The following TGFA variants were observed in gnomAD, a reference collection of about 807,000 sequenced individuals.
TGFA encodes the protein protransforming growth factor alpha.
TGFA carries 12 observed loss-of-function variants against 21.7 expected under a neutral mutation model. That is an observed-to-expected ratio of 0.55 (90% CI 0.35 to 0.90). The LOEUF (loss-of-function observed/expected upper bound fraction) is 0.90, where lower values mean the gene tolerates loss of function less well. Ranked by LOEUF, TGFA falls within the 40% of genes least tolerant of loss-of-function variation. The probability of loss-of-function intolerance (pLI) is 0.01; values close to 1 mark genes in which losing one functional copy is unlikely to be tolerated. For synonymous variants in TGFA, 79 were observed against 88.1 expected (o/e 0.90, Z 0.58); for missense variants, 178 against 210.8 (o/e 0.84, Z 0.96).
At chr2:70,486,747 C>A (rs1390316566) in intron 2 of TGFA, among the ~76,000 whole-genome samples, 1 of 151,938 alleles carries the variant, frequency 6.6e-6, no homozygotes, top group Non-Finnish European at 1.5e-5. Context: ...TAGGCGTGAG[C>A]TACCATGCCT....
At position 70,449,401 on chromosome 2, in the gene TGFA, A is replaced by G. The variant is rs1379996507; in HGVS notation, c.*1458T>C. 2 of 153,808 alleles carry G rather than the reference A, an allele frequency of 1.3e-5. No individual in the cohort carries two copies. Among genetic ancestry groups the G allele is most frequent in the Non-Finnish European group, 2.9e-5 (2 of 68,678 alleles). The allele number at this position is 153,808 out of a possible 1,614,324, so 9.5% of individuals were successfully genotyped here. ...GCATTTCCTCACATAAGGAGTTTAT[A>G]TATTATTTCTTCATTACTCTGTTTC... On this transcript the variant is annotated 3_prime_UTR_variant, in exon 6 of 6. Transcript: ENST00000295400.
intron 1 of TGFA, among the ~76,000 whole-genome samples, chr2:70,544,847 C>T (rs1277633730): frequency 1.3e-5 from 2 of 151,950 alleles, no homozygotes; most frequent in African/African-American, 2.4e-5. Flanking sequence ...GAGACAGAGT[C>T]GAATGATGGT....
intron 3 of TGFA, among the ~76,000 whole-genome samples, chr2:70,465,049 C>T (rs374205760): frequency 6.8e-4 from 103 of 152,348 alleles, no homozygotes; most frequent in African/African-American, 2.3e-3. Context: ...AGTAATACTT[C>T]GAGAAGCCCC....
chr2:70,553,325 C>T lies in TGFA; in HGVS notation c.40+403G>A, dbSNP rs564039531. ...ACCCGGCCAGAGGGTTAGACGCCGG[C>T]CCCCGTTCCGAGGCGGCCCAGTCTA... On this transcript the variant is annotated intron_variant, in intron 1 of 5. Coordinates refer to ENST00000295400, the MANE Select transcript of TGFA (RefSeq NM_003236.4). 609 of 1,501,732 alleles carry T rather than the reference C, an allele frequency of 4.1e-4. 7 individuals are homozygous for T. The South Asian group carries it at 4.1e-3, about 10-fold the overall frequency. 93.0% of individuals were successfully genotyped at this position (1,501,732 alleles called of 1,614,324 possible).
intron 2 of TGFA, among the ~76,000 whole-genome samples, chr2:70,510,381 C>T (rs2103841595): frequency 6.6e-6 from 1 of 152,296 alleles, no homozygotes; most frequent in Non-Finnish European, 1.5e-5. Context: ...CTTCCTAAAA[C>T]CTGCAGTCAG....
intron 4 of TGFA, 151 bp downstream of exon 4, chr2:70,456,188 G>T: frequency 8.8e-7 from 1 of 1,136,738 alleles, no homozygotes; most frequent in Non-Finnish European, 1.2e-6. Context: ...CATGCCAACA[G>T]TCATCAAAGT....
intron 2 of TGFA, among the ~76,000 whole-genome samples, chr2:70,486,117 G>A (rs137921010): frequency 3.4e-4 from 52 of 152,276 alleles, no homozygotes; most frequent in African/African-American, 1.2e-3. Context: ...CCACTGGAGT[G>A]GACTTTTCCC....
chr2:70,495,636 T>C (rs879974134), intron 2 of TGFA, among the ~76,000 whole-genome samples: 3 of 152,230 alleles, frequency 2.0e-5, no homozygotes, highest in Non-Finnish European at 2.9e-5. Flanking sequence ...ACTTGGTCTA[T>C]AGTCTATATT....
chr2:70,535,341 C>T (rs1276946277), intron 1 of TGFA, among the ~76,000 whole-genome samples: 2 of 152,192 alleles, frequency 1.3e-5, no homozygotes. Flanking sequence ...GCATTAATAA[C>T]ACCAGACCCA....
At chr2:70,497,598 C>A (rs997053419) in intron 2 of TGFA, among the ~76,000 whole-genome samples, 18 of 152,290 alleles carry the variant, frequency 1.2e-4, no homozygotes, top group Non-Finnish European at 2.1e-4. Flanking sequence ...TGCATCCCAG[C>A]CCTGCTAACT....
chr2:70,468,287 A>T (rs1670632112), intron 2 of TGFA: 1 of 152,202 alleles, frequency 6.6e-6, no homozygotes, highest in Non-Finnish European at 1.5e-5. Context: ...CCAGGTGGAG[A>T]TATCGACCTG....
chr2:70,456,504 A>G lies in TGFA; in HGVS notation c.216-16T>C. ...AGAATGGCAGCTGGGGAAGAAAGGA[A>G]CGTCAGTGCACTCTCCTGACAAAAG... is the stretch of plus-strand genomic sequence containing the variant. On this transcript the variant is annotated splice_polypyrimidine_tract_variant and intron_variant, in intron 3 of 5. Transcript: ENST00000295400. The G allele has an allele frequency of 1.9e-6, 3 of 1,591,100 alleles. No homozygotes were observed. The highest frequency in any genetic ancestry group is 1.7e-4 in the Middle Eastern group (1 of 5,962).
intron 5 of TGFA, among the ~76,000 whole-genome samples, chr2:70,452,555 A>G (rs1273675355): frequency 6.6e-6 from 1 of 152,206 alleles, no homozygotes; most frequent in Non-Finnish European, 1.5e-5. Flanking sequence ...AAAGAGAATG[A>G]ACATCTCTTG....
At chr2:70,462,088 A>G (rs987591151) in intron 3 of TGFA, among the ~76,000 whole-genome samples, 2 of 152,110 alleles carry the variant, frequency 1.3e-5, no homozygotes, top group East Asian at 3.9e-4. Context: ...TGATGAGGCC[A>G]TGATAGATGG....
rs114507290 is a variant in TGFA, at chr2:70,488,683, G to A, written c.95-22947C>T. On this transcript the variant is annotated intron_variant, in intron 2 of 5. Transcript: ENST00000295400. ...CTCCCGTTTGTTTTTCCAGGTGACC[G>A]TTAGAATCATTTATAAGTTCTCTTC... Among the ~76,000 whole-genome samples, 1,017 of 152,188 alleles carry A rather than the reference G, an allele frequency of 6.7e-3. 14 individuals carry two copies. The highest frequency in any genetic ancestry group is 0.023 in the African/African-American group (966 of 41,508).
chr2:70,469,883 C>A (rs1161202993), intron 2 of TGFA, among the ~76,000 whole-genome samples: 1 of 152,204 alleles, frequency 6.6e-6, no homozygotes, highest in Non-Finnish European at 1.5e-5. Context: ...TGGAACACTT[C>A]TCTAAAACTG....
At chr2:70,519,718 C>T (rs1196317317) in intron 1 of TGFA, among the ~76,000 whole-genome samples, 1 of 152,224 alleles carries the variant, frequency 6.6e-6, no homozygotes, top group Non-Finnish European at 1.5e-5. Context: ...AATGATCCAG[C>T]ATTACCTGAA....
chr2:70,458,643 C>T (rs1670315381), intron 3 of TGFA, among the ~76,000 whole-genome samples: 1 of 152,222 alleles, frequency 6.6e-6, no homozygotes, highest in Admixed American at 6.5e-5. Flanking sequence ...TATCATTCCT[C>T]ACTCTCCTCC....
intron 2 of TGFA, among the ~76,000 whole-genome samples, chr2:70,470,744 T>C (rs1450888162): frequency 6.6e-6 from 1 of 152,108 alleles, no homozygotes; most frequent in Non-Finnish European, 1.5e-5. Flanking sequence ...AGGCTTAGAG[T>C]GCAAGTTCCT....
Sources: allele counts gnomAD v4.1 joint callset (sites outside exome capture counted in the v4.1 genomes callset), GRCh38; gene constraint gnomAD v4.1.1; transcripts MANE v1.5; gene names NCBI Gene and HGNC (gene_info 2026-07-23, HGNC 2026-07-21).